Variants in PALM2AKAP2 observed in about 807,000 individuals in gnomAD.
The protein encoded by PALM2AKAP2 is PALM2-AKAP2 fusion protein.
In PALM2AKAP2, 37 loss-of-function variants were observed where a neutral mutation model predicts 71.5. The ratio of observed to expected loss-of-function variants is 0.52; its 90% CI spans 0.40 to 0.68. The LOEUF (loss-of-function observed/expected upper bound fraction) is 0.68. Among genes scored for constraint, PALM2AKAP2 ranks in the 30% least tolerant of loss-of-function variants. PALM2AKAP2 has a pLI of 0.00. For missense variants in PALM2AKAP2, 1,224 were observed against 1,191.8 expected (o/e 1.03, Z -0.40); for synonymous variants, 468 against 478.8 (o/e 0.98, Z 0.29).
intron 1 of PALM2AKAP2, among the ~76,000 whole-genome samples, chr9:109,682,658 G>T (rs1260700280): frequency 6.6e-6 from 1 of 152,098 alleles, no homozygotes; most frequent in Non-Finnish European, 1.5e-5. Flanking sequence ...TATTTTTTTG[G>T]AGTACCTTAT....
intron 1 of PALM2AKAP2, among the ~76,000 whole-genome samples, chr9:109,641,512 T>C (rs952295363): frequency 3.3e-5 from 5 of 152,212 alleles, no homozygotes; most frequent in Admixed American, 6.5e-5. Context: ...AGAGAGGCAT[T>C]AACCAGAAAA....
At chr9:109,912,637 T>A (rs1379298804) in intron 3 of PALM2AKAP2, among the ~76,000 whole-genome samples, 2 of 152,202 alleles carry the variant, frequency 1.3e-5, no homozygotes, top group African/African-American at 4.8e-5. Flanking sequence ...GTGTTCTACC[T>A]AGAATATTGA....
At chr9:109,665,357 C>A (rs562149298) in intron 1 of PALM2AKAP2, among the ~76,000 whole-genome samples, 12 of 152,292 alleles carry the variant, frequency 7.9e-5, no homozygotes, top group Admixed American at 2.6e-4. Flanking sequence ...TGGTGACCTA[C>A]AGATGGGGTT....
chr9:109,733,160 A>T (rs953682375), intron 1 of PALM2AKAP2, among the ~76,000 whole-genome samples: 1 of 152,182 alleles, frequency 6.6e-6, no homozygotes, highest in African/African-American at 2.4e-5. Context: ...GAATGAGGAA[A>T]CTAGAATGGG....
chr9:110,016,242 A>G (rs187194886), intron 7 of PALM2AKAP2, among the ~76,000 whole-genome samples: 103 of 152,246 alleles, frequency 6.8e-4, no homozygotes, highest in African/African-American at 2.5e-3. Context: ...CACCCTGAAT[A>G]TGCCCGACCT....
At chr9:109,946,972 C>T (rs138075854) in intron 6 of PALM2AKAP2, among the ~76,000 whole-genome samples, 3 of 152,084 alleles carry the variant, frequency 2.0e-5, no homozygotes, top group Admixed American at 6.5e-5. Flanking sequence ...TCTCTTTTAC[C>T]CATATTATTT....
At chr9:110,115,259 G>A (rs1225128029) in intron 1 of PALM2AKAP2, among the ~76,000 whole-genome samples, 5 of 152,326 alleles carry the variant, frequency 3.3e-5, no homozygotes, top group Admixed American at 2.6e-4. Flanking sequence ...TGGTCCCCCT[G>A]GTTCTGGGTA....
intron 1 of PALM2AKAP2, among the ~76,000 whole-genome samples, chr9:110,130,202 C>G (rs534049248): frequency 4.4e-4 from 67 of 152,296 alleles, no homozygotes; most frequent in African/African-American, 1.6e-3. Context: ...TTACATAGTA[C>G]TTTTAAGTAC....
chr9:109,647,662 A>T (rs1827173006), intron 1 of PALM2AKAP2, among the ~76,000 whole-genome samples: 1 of 152,208 alleles, frequency 6.6e-6, no homozygotes, highest in Non-Finnish European at 1.5e-5. Flanking sequence ...CTTGATGTAC[A>T]TCATCACTGT....
chr9:109,667,857 G>C (rs569203106), intron 1 of PALM2AKAP2, among the ~76,000 whole-genome samples: 4 of 151,040 alleles, frequency 2.6e-5, no homozygotes, highest in South Asian at 2.1e-4. Flanking sequence ...GGATAGGTTA[G>C]TTGTAAAATA....
exon 2 of PALM2AKAP2, chr9:110,136,523 G>A (rs758874782): frequency 5.6e-6 from 9 of 1,613,564 alleles, no homozygotes; most frequent in East Asian, 2.2e-5. Context: ...CCCTGTCCAC[G>A]AGGCGACCCA....
chr9:109,673,207 A>G (rs1301030384), intron 1 of PALM2AKAP2, among the ~76,000 whole-genome samples: 1 of 151,974 alleles, frequency 6.6e-6, no homozygotes. Flanking sequence ...TTAGGTTGTT[A>G]ACTTGGGATC....
intron 3 of PALM2AKAP2, among the ~76,000 whole-genome samples, chr9:109,889,999 A>G (rs1830049709): frequency 6.6e-6 from 1 of 152,176 alleles, no homozygotes; most frequent in South Asian, 2.1e-4. Context: ...TCTCTCTACA[A>G]AAAGCTTTGA....
chr9:109,640,910 A>T, intron 1 of PALM2AKAP2: 1 of 1,500,258 alleles, frequency 6.7e-7, no homozygotes, highest in Non-Finnish European at 8.8e-7. Flanking sequence ...TCCTCTCGGC[A>T]TGTTGCCATG....
chr9:110,048,302 A>G (rs572898875), upstream of PALM2AKAP2, among the ~76,000 whole-genome samples: 169 of 152,244 alleles, frequency 1.1e-3, no homozygotes, highest in Non-Finnish European at 1.6e-3. Flanking sequence ...ACATACGCTC[A>G]TGCGCACATA....
intron 6 of PALM2AKAP2, among the ~76,000 whole-genome samples, chr9:109,938,308 C>G (rs181758116): frequency 6.6e-6 from 1 of 152,118 alleles, no homozygotes; most frequent in Non-Finnish European, 1.5e-5. Context: ...TCCATGAAAA[C>G]GAAATATTGC....
At chr9:109,771,177 A>T (rs1829255669) in intron 1 of PALM2AKAP2, among the ~76,000 whole-genome samples, 1 of 152,176 alleles carries the variant, frequency 6.6e-6, no homozygotes, top group African/African-American at 2.4e-5. Flanking sequence ...TGGCAAGTTG[A>T]GCATTCAATT....
intron 1 of PALM2AKAP2, among the ~76,000 whole-genome samples, chr9:109,652,419 C>A (rs1827238026): frequency 6.6e-6 from 1 of 152,182 alleles, no homozygotes; most frequent in South Asian, 2.1e-4. Flanking sequence ...TGCTCCCCTT[C>A]ACCTTCTGCC....
intron 1 of PALM2AKAP2, among the ~76,000 whole-genome samples, chr9:109,836,267 AG>A (rs939956602): frequency 6.6e-6 from 1 of 152,248 alleles, no homozygotes; most frequent in Non-Finnish European, 1.5e-5. Context: ...CCAGGCAAAC[AG>A]GGTCTGGAAT....
Sources: gnomAD v4.1 joint callset for allele counts (sites outside exome capture counted in the v4.1 genomes callset) on GRCh38, gnomAD v4.1.1 for gene constraint, MANE v1.5 for transcripts, NCBI Gene and HGNC (gene_info 2026-07-23, HGNC 2026-07-21) for gene names.